Variants in GOLGA1 observed in about 807,000 individuals in gnomAD.
GOLGA1 encodes the protein golgin subfamily A member 1.
In GOLGA1, 63 loss-of-function variants were observed where a neutral mutation model predicts 119.7. That is an observed-to-expected ratio of 0.53 (90% confidence interval 0.43 to 0.65). The LOEUF (loss-of-function observed/expected upper bound fraction) is 0.65. GOLGA1 is among the 30% of genes least tolerant of loss of function. The probability of loss-of-function intolerance (pLI) is 0.00; values close to 1 mark genes in which losing one functional copy is unlikely to be tolerated. For missense variants in GOLGA1, 798 were observed against 912.8 expected, an observed-to-expected ratio of 0.87 and a Z score of 1.62; for synonymous variants, 318 against 333.4, an observed-to-expected ratio of 0.95 and a Z score of 0.50.
chr9:124,928,936 T>C (rs1564343626), intron 5 of GOLGA1, among the ~76,000 whole-genome samples: 1 of 152,182 alleles, frequency 6.6e-6, no homozygotes, highest in African/African-American at 2.4e-5. Flanking sequence ...CTAGATTTTA[T>C]TAAAACCTGA....
intron 7 of GOLGA1, among the ~76,000 whole-genome samples, chr9:124,924,492 C>G (rs534298437): frequency 6.6e-6 from 1 of 151,640 alleles, no homozygotes; most frequent in East Asian, 1.9e-4. Flanking sequence ...ATTAGCCAGG[C>G]ATGGTGGCAT....
At chr9:124,898,459 G>T in intron 15 of GOLGA1, 90 bp downstream of exon 15, 3 of 769,934 alleles carry the variant, frequency 3.9e-6, no homozygotes, top group Non-Finnish European at 4.5e-6. Context: ...TCCTCCTCCT[G>T]TACTGTAAGT....
intron 12 of GOLGA1, among the ~76,000 whole-genome samples, chr9:124,905,173 A>AAAAT (rs1473056711): frequency 1.3e-5 from 2 of 150,472 alleles, no homozygotes; most frequent in East Asian, 1.9e-4. Flanking sequence ...AAATAAAATA[A>AAAAT]AAATAAATAA....
chr9:124,911,972 C>G lies in GOLGA1; in HGVS notation c.898G>C (p.Val300Leu). Reference protein sequence around the residue: ...EDVITHLQEKVASLEKRLEQN... With the variant: ...EDVITHLQEKLASLEKRLEQN... ...TCTAGTCTCTTCTCCAAGGATGCAA[C>G]CTTCTCTTGCAAATGTGTGATAACG... Residue 300 changes from valine (V) to leucine (L), a missense_variant, in exon 11 of 23, where the codon GTT (valine) becomes CTT (leucine). By Grantham distance (32) the Val-to-Leu change is conservative (BLOSUM62 1). Transcript: ENST00000373555. 1 of 1,610,960 alleles carries G rather than the reference C, an allele frequency of 6.2e-7. No homozygotes were observed. Among genetic ancestry groups the G allele is most frequent in the Admixed American group, 1.7e-5 (1 of 60,026 alleles).
At chr9:124,900,267 C>A in intron 13 of GOLGA1, 185 bp downstream of exon 13, 1 of 450,948 alleles carries the variant, frequency 2.2e-6, no homozygotes. Context: ...GTAACTCAGG[C>A]CCACCATTAG....
At chr9:124,930,382 C>A (rs545443092) in intron 4 of GOLGA1, among the ~76,000 whole-genome samples, 1 of 152,164 alleles carries the variant, frequency 6.6e-6, no homozygotes, top group Non-Finnish European at 1.5e-5. Flanking sequence ...TCAAATAAAT[C>A]TGGGTTTGGA....
intron 7 of GOLGA1, among the ~76,000 whole-genome samples, chr9:124,924,636 C>CAAAAAA: frequency 9.2e-6 from 1 of 108,702 alleles, no homozygotes; most frequent in African/African-American, 3.4e-5. Flanking sequence ...GACCCTGTCT[C>CAAAAAA]AAAAAAAAAA....
At chr9:124,916,306 G>T (rs1273925039) in intron 10 of GOLGA1, among the ~76,000 whole-genome samples, 2 of 151,960 alleles carry the variant, frequency 1.3e-5, no homozygotes, top group African/African-American at 2.4e-5. Flanking sequence ...AACACTGTGG[G>T]TTAAATAAAA....
At chr9:124,897,710 G>A (rs1012541690) in intron 15 of GOLGA1, among the ~76,000 whole-genome samples, 4 of 152,036 alleles carry the variant, frequency 2.6e-5, no homozygotes, top group African/African-American at 9.7e-5. Flanking sequence ...GTTTATTGAA[G>A]GAATGCATGA....
intron 10 of GOLGA1, among the ~76,000 whole-genome samples, chr9:124,920,286 ATTTTTTT>A (rs113594549): frequency 1.4e-5 from 2 of 139,364 alleles, no homozygotes; most frequent in African/African-American, 5.2e-5. Context: ...CAACTGGCTA[ATTTTTTT>A]TTTTTTTTTT....
chr9:124,904,258 T>C (rs1363637336), intron 12 of GOLGA1, among the ~76,000 whole-genome samples: 1 of 152,024 alleles, frequency 6.6e-6, no homozygotes, highest in African/African-American at 2.4e-5. Flanking sequence ...GAAAATAGAA[T>C]GGTGGTTCCC....
At chr9:124,926,434 G>A (rs758094253) in intron 7 of GOLGA1, among the ~76,000 whole-genome samples, 4 of 152,174 alleles carry the variant, frequency 2.6e-5, no homozygotes, top group African/African-American at 4.8e-5. Context: ...AGGGCATTCT[G>A]AGCCCTGCTG....
intron 12 of GOLGA1, among the ~76,000 whole-genome samples, chr9:124,904,846 G>A (rs956488588): frequency 2.0e-5 from 3 of 151,770 alleles, no homozygotes; most frequent in Non-Finnish European, 2.9e-5. Context: ...GCTGAGGCAG[G>A]AGAACTGCTT....
At chr9:124,900,575 T>C in intron 12 of GOLGA1, 28 bp from the exon 13 acceptor site, 2 of 1,145,944 alleles carry the variant, frequency 1.7e-6, no homozygotes, top group Non-Finnish European at 2.6e-6. Flanking sequence ...GCATTCTTTC[T>C]GTTCACAAGA....
chr9:124,889,229 C>T lies in GOLGA1; in HGVS notation c.1675G>A (p.Glu559Lys). The T allele has an allele frequency of 6.2e-7, 1 of 1,613,714 alleles. No individual in the cohort carries two copies. The highest frequency in any genetic ancestry group is 8.5e-7 in the Non-Finnish European group (1 of 1,179,954). The change falls in exon 18 of 23, where the codon GAG becomes AAG. Residue 559 changes from glutamate (E) to lysine (K), a missense_variant. By Grantham distance (56) the Glu-to-Lys change is moderately conservative. Coordinates refer to ENST00000373555, the MANE Select transcript of GOLGA1 (RefSeq NM_002077.4). ...TCCTGCTCCGCGACCACTGCAGCCT[C>T]CTCCGCCTTGAGGGTCCTCAGGGCC... The part of the protein sequence containing the change: ...LEALRTLKAE[E>K]AAVVAEQEDL...
At chr9:124,890,540 C>T (rs528641619) in intron 15 of GOLGA1, 62 bp from the exon 16 acceptor site, 60 of 1,213,564 alleles carry the variant, frequency 4.9e-5, no homozygotes, top group South Asian at 3.7e-4. Context: ...CTGTATGCCA[C>T]GCAAGAAGCC....
rs185811905 is a variant in GOLGA1, at chr9:124,937,552, A to G, written c.135+1025T>C. Among the ~76,000 whole-genome samples the G allele has an allele frequency of 1.3e-3, 200 of 149,968 alleles. 3 individuals carry two copies. The highest frequency in any genetic ancestry group is 4.5e-3 in the African/African-American group (185 of 40,728). On this transcript the variant is annotated intron_variant, in intron 3 of 22. Coordinates refer to ENST00000373555, the MANE Select transcript of GOLGA1 (RefSeq NM_002077.4). Reference sequence around the variant, plus strand: ...AGGCTGAGGCAGGAGAACTGCTTGAACCCGGGAGGTGGAGGATGCAATGAG... The same window carrying G: ...AGGCTGAGGCAGGAGAACTGCTTGAGCCCGGGAGGTGGAGGATGCAATGAG...
At position 124,909,930 on chromosome 9, in the gene GOLGA1, A is replaced by AATTT. The variant is rs532963662; in HGVS notation, c.970-1462_970-1459dup. On this transcript the variant is annotated intron_variant, in intron 11 of 22. Coordinates refer to ENST00000373555, the MANE Select transcript of GOLGA1 (RefSeq NM_002077.4). The stretch of plus-strand genomic sequence containing the variant: ...CAGGCACCCGCCACCATGCCCAGCT[A>AATTT]ATTTATTTATTTATTTATTTTTTTG... Among the ~76,000 whole-genome samples, 10 of 151,714 alleles carry AATTT rather than the reference A, an allele frequency of 6.6e-5. No homozygotes were observed. In the South Asian group the frequency reaches 1.9e-3, roughly 28 times the overall value.
intron 3 of GOLGA1, among the ~76,000 whole-genome samples, chr9:124,936,715 C>T (rs1830877586): frequency 6.6e-6 from 1 of 152,156 alleles, no homozygotes; most frequent in African/African-American, 2.4e-5. Context: ...CTTCCCAAAG[C>T]ATTGGGATTA....
Sources: gnomAD v4.1 joint callset for allele counts (sites outside exome capture counted in the v4.1 genomes callset) on GRCh38, gnomAD v4.1.1 for gene constraint, MANE v1.5 for transcripts, NCBI Gene and HGNC (gene_info 2026-07-23, HGNC 2026-07-21) for gene names.